Variants in TOX2 observed in about 807,000 individuals in gnomAD.
TOX2 encodes the protein TOX high mobility group box family member 2, also known as granulosa cell HMG box 1.
In TOX2, 15 loss-of-function variants were observed where a neutral mutation model predicts 47.4. The ratio of observed to expected loss-of-function variants is 0.32; its 90% CI spans 0.21 to 0.49. The LOEUF (loss-of-function observed/expected upper bound fraction) is 0.49, where lower values mean the gene tolerates loss of function less well. TOX2 is among the 20% of genes least tolerant of loss of function. TOX2 has a pLI of 0.99. For missense variants in TOX2, 622 were observed against 673.1 expected, an observed-to-expected ratio of 0.92 and a Z score of 0.84; for synonymous variants, 290 against 296.6, an observed-to-expected ratio of 0.98 and a Z score of 0.23.
chr20:44,028,437 G>A (rs891808987), intron 3 of TOX2, among the ~76,000 whole-genome samples: 6 of 152,188 alleles, frequency 3.9e-5, no homozygotes, highest in Non-Finnish European at 5.9e-5. Context: ...CCAAACCCTC[G>A]CTGCAGCGCT....
At chr20:43,957,740 T>A (rs2069692081) in intron 1 of TOX2, among the ~76,000 whole-genome samples, 1 of 152,024 alleles carries the variant, frequency 6.6e-6, no homozygotes, top group Non-Finnish European at 1.5e-5. Flanking sequence ...TATGAAGAGG[T>A]TTATTTGGCT....
intron 1 of TOX2, 118 bp from the exon 2 acceptor site, chr20:43,973,249 C>A: frequency 1.0e-6 from 1 of 982,738 alleles, no homozygotes. Flanking sequence ...TCTGATTTGC[C>A]TTCTGCAGCT....
chr20:43,959,681 C>T (rs1422811625), intron 1 of TOX2, among the ~76,000 whole-genome samples: 1 of 152,238 alleles, frequency 6.6e-6, no homozygotes, highest in Non-Finnish European at 1.5e-5. Flanking sequence ...GTCTCAGTCA[C>T]ACTCGTTCCC....
intron 3 of TOX2, among the ~76,000 whole-genome samples, chr20:44,046,397 T>A (rs1247732678): frequency 6.6e-6 from 1 of 152,180 alleles, no homozygotes; most frequent in Non-Finnish European, 1.5e-5. Flanking sequence ...GAAAACAGTA[T>A]GGTGGTTTCT....
rs367999129 is a variant in TOX2 at position 43,994,565 on chromosome 20, G to A, written c.166-11982G>A. Among the ~76,000 whole-genome samples, 28 of 151,948 alleles carry A rather than the reference G, an allele frequency of 1.8e-4. 1 individual carries two copies. Among genetic ancestry groups the A allele is most frequent in the African/African-American group, 5.3e-4 (22 of 41,446 alleles). On this transcript the variant is annotated intron_variant, in intron 2 of 8. Transcript: ENST00000341197. ...TGCCTCTTCTCATTCAGATGCTGTT[G>A]CCCACAAGTTATCCCCAGCCTTGCG...
intron 3 of TOX2, among the ~76,000 whole-genome samples, chr20:44,018,282 A>G (rs1456749243): frequency 6.6e-6 from 1 of 152,088 alleles, no homozygotes; most frequent in African/African-American, 2.4e-5. Context: ...TGGGCTCCTA[A>G]TCAGAGCACT....
intron 2 of TOX2, among the ~76,000 whole-genome samples, chr20:43,981,946 T>G (rs2070176699): frequency 6.6e-6 from 1 of 152,048 alleles, no homozygotes; most frequent in South Asian, 2.1e-4. Flanking sequence ...TTTTTTTTTT[T>G]TTTTTAAAGA....
intron 2 of TOX2, among the ~76,000 whole-genome samples, chr20:43,981,293 T>C (rs2070165147): frequency 6.6e-6 from 1 of 152,232 alleles, no homozygotes; most frequent in Admixed American, 6.5e-5. Flanking sequence ...TTTTTGGAAA[T>C]ATGCCCTACA....
intron 5 of TOX2, among the ~76,000 whole-genome samples, chr20:44,060,770 G>A (rs1341750735): frequency 3.9e-5 from 6 of 152,094 alleles, no homozygotes; most frequent in Non-Finnish European, 5.9e-5. Context: ...GGTGCTAAGA[G>A]GAAAGGTCAT....
At chr20:43,925,880 G>A (rs1226019820) in intron 1 of TOX2, among the ~76,000 whole-genome samples, 2 of 152,240 alleles carry the variant, frequency 1.3e-5, no homozygotes, top group Admixed American at 6.5e-5. Context: ...GGGTGGCAGA[G>A]GGGGCTGTTA....
chr20:44,010,826 A>G lies in TOX2; in HGVS notation c.411+4034A>G, dbSNP rs191679237. On this transcript the variant is annotated intron_variant, in intron 3 of 8. Coordinates refer to ENST00000341197, the MANE Select transcript of TOX2 (RefSeq NM_001098797.2). ...ATATTAGTGTCTCATGGCTGTTCCA[A>G]GAGATTGCCACCAACTTGGGGGCTT... Among the ~76,000 whole-genome samples, 29 of 152,310 alleles carry G rather than the reference A, an allele frequency of 1.9e-4. No individual in the cohort carries two copies. In the East Asian group the frequency reaches 5.0e-3, roughly 26 times the overall value.
At chr20:44,010,395 C>A (rs2070759354) in intron 3 of TOX2, among the ~76,000 whole-genome samples, 1 of 152,128 alleles carries the variant, frequency 6.6e-6, no homozygotes, top group African/African-American at 2.4e-5. Flanking sequence ...AGCCTTAATT[C>A]TTCCATTAGA....
chr20:43,970,601 A>G (rs745709873), intron 1 of TOX2, among the ~76,000 whole-genome samples: 3 of 152,214 alleles, frequency 2.0e-5, no homozygotes, highest in African/African-American at 7.2e-5. Context: ...TATTCTTCCT[A>G]TTAGGGTCTA....
chr20:44,031,625 C>A (rs1245321704), intron 3 of TOX2, among the ~76,000 whole-genome samples: 2 of 152,096 alleles, frequency 1.3e-5, no homozygotes, highest in Non-Finnish European at 2.9e-5. Flanking sequence ...CGAGAATACA[C>A]CATGTGGCCT....
At chr20:44,004,715 C>CA (rs2070648404) in intron 2 of TOX2, among the ~76,000 whole-genome samples, 1 of 152,244 alleles carries the variant, frequency 6.6e-6, no homozygotes, top group African/African-American at 2.4e-5. Flanking sequence ...CTTCATCCAG[C>CA]AGACACTCAG....
At chr20:44,068,020 A>G (rs2071863364) in intron 8 of TOX2, among the ~76,000 whole-genome samples, 1 of 152,104 alleles carries the variant, frequency 6.6e-6, no homozygotes. Context: ...TGGACACTGA[A>G]CAAGTGACCA....
chr20:44,051,205 A>T, intron 3 of TOX2, 101 bp from the exon 4 acceptor site: 3 of 1,485,618 alleles, frequency 2.0e-6, no homozygotes, highest in Non-Finnish European at 2.7e-6. Flanking sequence ...CGCACCCATC[A>T]CTTCTCCTCT....
At chr20:44,000,120 T>A (rs2145580472) in intron 2 of TOX2, among the ~76,000 whole-genome samples, 1 of 152,192 alleles carries the variant, frequency 6.6e-6, no homozygotes, top group East Asian at 1.9e-4. Flanking sequence ...AAAAAGGACG[T>A]GGGACTGGGG....
intron 3 of TOX2, among the ~76,000 whole-genome samples, chr20:44,036,032 AC>A (rs991714692): frequency 2.0e-5 from 3 of 152,062 alleles, no homozygotes; most frequent in African/African-American, 7.2e-5. Context: ...AATGTAGACC[AC>A]CCCTTGGAAG....
Sources: allele counts gnomAD v4.1 joint callset (sites outside exome capture counted in the v4.1 genomes callset), GRCh38; gene constraint gnomAD v4.1.1; transcripts MANE v1.5; gene names NCBI Gene and HGNC (gene_info 2026-07-23, HGNC 2026-07-21).